Variants in PDE6B observed in about 807,000 individuals in gnomAD.
The protein encoded by PDE6B is rod cGMP-specific 3',5'-cyclic phosphodiesterase subunit beta.
PDE6B carries 106 observed loss-of-function variants against 109.0 expected under a neutral mutation model. The observed-to-expected ratio is 0.97, with a 90% confidence interval of 0.83 to 1.14. The LOEUF is 1.14. PDE6B is among the 50% of genes most tolerant of loss of function. The pLI is 0.00. For synonymous variants in PDE6B, 490 were observed against 471.3 expected, an observed-to-expected ratio of 1.04 and a Z score of -0.51; for missense variants, 1,193 against 1,155.6, an observed-to-expected ratio of 1.03 and a Z score of -0.47.
rs370941664 is a variant in PDE6B at position 653,982 on chromosome 4, C to G, written c.842C>G (p.Thr281Ser). The G allele has an allele frequency of 8.1e-6, 13 of 1,613,768 alleles. No homozygotes were observed. Among genetic ancestry groups the G allele is most frequent in the Non-Finnish European group, 1.0e-5 (12 of 1,180,038 alleles). ...ERYSVGLLDMTKEKEFFDVWS... is the reference protein window; with the variant it reads ...ERYSVGLLDMSKEKEFFDVWS... The stretch of plus-strand genomic sequence containing the variant: ...TACTCCGTGGGCCTCCTGGACATGA[C>G]CAAGGAGAAGGTGAGGCTTCCGTGG... The change falls in exon 4 of 22, where the codon ACC becomes AGC. Residue 281 changes from threonine (T) to serine (S), a missense_variant. By Grantham distance (58) the Thr-to-Ser change is moderately conservative (BLOSUM62 1). Coordinates refer to ENST00000496514, the MANE Select transcript of PDE6B (RefSeq NM_000283.4).
At chr4:659,694 G>A (rs1736828790) in intron 11 of PDE6B, among the ~76,000 whole-genome samples, 3 of 148,466 alleles carry the variant, frequency 2.0e-5, no homozygotes, top group African/African-American at 5.0e-5. Context: ...GTGCACATGG[G>A]CGTTTGTGTG....
intron 1 of PDE6B, among the ~76,000 whole-genome samples, chr4:629,457 G>A (rs1734274597): frequency 6.6e-6 from 1 of 152,214 alleles, no homozygotes; most frequent in Non-Finnish European, 1.5e-5. Context: ...CCCAGCCCCA[G>A]CCGAACAGCC....
intron 6 of PDE6B, chr4:655,456 G>C (rs553748304): frequency 6.7e-6 from 2 of 296,780 alleles, no homozygotes; most frequent in South Asian, 6.8e-5. Flanking sequence ...TTGAGCACAA[G>C]TCAGGGTCAG....
chr4:653,248 AG>A (rs1735750723), intron 3 of PDE6B: 3 of 1,009,872 alleles, frequency 3.0e-6, no homozygotes, highest in Middle Eastern at 5.0e-4. Flanking sequence ...GTGAGGAGGC[AG>A]GGCCTGGTGG....
chr4:659,151 A>G, intron 11 of PDE6B, 134 bp downstream of exon 11: 1 of 724,070 alleles, frequency 1.4e-6, no homozygotes, highest in Non-Finnish European at 2.5e-6. Flanking sequence ...GTGTGTGTAT[A>G]CTTGTGTATC....
intron 12 of PDE6B, among the ~76,000 whole-genome samples, 178 bp downstream of exon 12, chr4:660,791 C>T (rs1046737894): frequency 1.3e-5 from 2 of 151,870 alleles, no homozygotes; most frequent in Non-Finnish European, 2.9e-5. Context: ...AAAATGCACA[C>T]GGGAAGTAAG....
At chr4:660,430 C>CA (rs760934300) in intron 11 of PDE6B, 37 bp from the exon 12 acceptor site, 3 of 1,607,984 alleles carry the variant, frequency 1.9e-6, no homozygotes, top group Non-Finnish European at 2.6e-6. Flanking sequence ...GGGGCTGTGG[C>CA]AGGCCAACCT....
At chr4:653,800 C>A (rs987200009) in intron 3 of PDE6B, 52 bp from the exon 4 acceptor site, 3 of 1,602,616 alleles carry the variant, frequency 1.9e-6, no homozygotes, top group Non-Finnish European at 2.6e-6. Flanking sequence ...GTGGTCAGAC[C>A]GGCGTGAGGG....
intron 20 of PDE6B, 30 bp from the exon 21 acceptor site, chr4:667,826 G>C: frequency 3.1e-6 from 5 of 1,609,266 alleles, no homozygotes; most frequent in Non-Finnish European, 4.2e-6. Flanking sequence ...GGCAGGACAG[G>C]ACTGGTGGTG....
chr4:659,054 G>A, intron 11 of PDE6B, 37 bp downstream of exon 11: 2 of 1,496,164 alleles, frequency 1.3e-6, no homozygotes, highest in African/African-American at 2.7e-5. Context: ...ATGGAGGCCG[G>A]CCACGTGTGA....
intron 11 of PDE6B, among the ~76,000 whole-genome samples, chr4:659,536 G>T (rs997804009): frequency 2.1e-5 from 3 of 146,104 alleles, no homozygotes; most frequent in African/African-American, 8.1e-5. Context: ...TGCACACGTG[G>T]GCGTCTGCAC....
chr4:633,439 G>A lies in PDE6B; in HGVS notation c.469-1238G>A, dbSNP rs1163439807. ...AAGGGTGGGTGCCATTTAGGAGCAC[G>A]CTAGCACCTCGGCCAGCCCCCAGCA... On this transcript the variant is annotated intron_variant, in intron 1 of 21. Coordinates refer to ENST00000496514, the MANE Select transcript of PDE6B (RefSeq NM_000283.4). This position sits in a 1 kb window ranked among gnomAD's most constrained non-coding sequence, Gnocchi z 4.5. Among the ~76,000 whole-genome samples the A allele has an allele frequency of 6.6e-6, 1 of 152,146 alleles. No individual in the cohort carries two copies. The highest frequency in any genetic ancestry group is 1.5e-5 in the Non-Finnish European group (1 of 68,024).
chr4:657,365 C>G lies in PDE6B; in HGVS notation c.1272C>G (p.Phe424Leu), dbSNP rs202194404. ...ATCCCCTCCAGTCCCTGACACAGTT[C>G]CTGGGCTGGTCAGTGATGAACACCG... ...DEVLMESLTQ[F>L]LGWSVMNTDT... The change falls in exon 10 of 22, where the codon TTC becomes TTG. Residue 424 changes from phenylalanine (F) to leucine (L), a missense_variant. Transcript: ENST00000496514. The G allele has an allele frequency of 1.5e-5, 24 of 1,613,048 alleles. No individual in the cohort carries two copies. Among genetic ancestry groups the G allele is most frequent in the Non-Finnish European group, 1.9e-5 (22 of 1,179,860 alleles).
At chr4:654,736 TGTGTAGCTGC>T (rs1735996070) in intron 5 of PDE6B, 78 bp from the exon 6 acceptor site, 1 of 814,832 alleles carries the variant, frequency 1.2e-6, no homozygotes, top group Admixed American at 1.7e-5. Context: ...CGTGTGGCTG[TGTGTAGCTGC>T]ATGTAGCTGT....
chr4:653,768 C>T, intron 3 of PDE6B, 84 bp from the exon 4 acceptor site: 1 of 1,473,518 alleles, frequency 6.8e-7, no homozygotes, highest in Non-Finnish European at 9.5e-7. Flanking sequence ...CTGTGTCAGG[C>T]TTGAGTTAAA....
Position 663,848 on chromosome 4 carries a change from A to G in PDE6B, c.1999A>G (p.Thr667Ala). ...IHLMDIAIIA[T>A]DLALYFKKRA... ...CCTGATGGACATCGCCATCATCGCC[A>G]CGGACCTGGCCCTGTACTTCAAGTG... Residue 667 changes from threonine to alanine, a missense_variant, in exon 16 of 22, where the codon ACG becomes GCG. By Grantham distance (58) the Thr-to-Ala change is moderately conservative. Coordinates refer to ENST00000496514, the MANE Select transcript of PDE6B (RefSeq NM_000283.4). This position sits in a 1 kb window ranked among gnomAD's most constrained non-coding sequence, Gnocchi z 4.0. 5 of 1,612,108 alleles carry G rather than the reference A, an allele frequency of 3.1e-6. No homozygotes were observed. Among genetic ancestry groups the G allele is most frequent in the Non-Finnish European group, 4.2e-6 (5 of 1,179,260 alleles).
chr4:654,216 C>A (rs775769172), intron 5 of PDE6B, 62 bp downstream of exon 5: 2 of 1,437,944 alleles, frequency 1.4e-6, no homozygotes, highest in Non-Finnish European at 1.9e-6. Context: ...GACTCCAACT[C>A]CAGGGCAGGA....
At chr4:641,808 A>G (rs1388999549) in intron 3 of PDE6B, among the ~76,000 whole-genome samples, 3 of 151,974 alleles carry the variant, frequency 2.0e-5, no homozygotes, top group African/African-American at 4.8e-5. Flanking sequence ...CACCATGCCC[A>G]CCTAATTTTT....
intron 5 of PDE6B, chr4:654,367 G>C (rs76053478): frequency 3.0e-6 from 2 of 676,022 alleles, no homozygotes; most frequent in East Asian, 5.5e-5. Context: ...AATGAGGGCC[G>C]CCAGGCTGGT....
Sources: allele counts gnomAD v4.1 joint callset (sites outside exome capture counted in the v4.1 genomes callset), GRCh38; gene constraint gnomAD v4.1.1; non-coding constraint Gnocchi (gnomAD v3.1); transcripts MANE v1.5; gene names NCBI Gene and HGNC (gene_info 2026-07-23, HGNC 2026-07-21).